EVA1C: variants seen among roughly 807,000 people sequenced by gnomAD.
EVA1C encodes the protein eva-1 homolog C, also known as protein eva-1 homolog C.
A neutral mutation model predicts 45.4 loss-of-function variants in EVA1C; 25 were observed. The observed-to-expected ratio is 0.55, with a 90% CI of 0.40 to 0.77. The LOEUF is 0.77. Among genes scored for constraint, EVA1C ranks in the 30% least tolerant of loss-of-function variants. EVA1C has a pLI of 0.00. For missense variants in EVA1C, 479 were observed against 554.8 expected, an observed-to-expected ratio of 0.86 and a Z score of 1.37; for synonymous variants, 190 against 221.2, an observed-to-expected ratio of 0.86 and a Z score of 1.25.
At chr21:32,493,770 TTTTA>T (rs3056333) in intron 4 of EVA1C, 22,972 of 145,006 alleles carry the variant, frequency 0.16, 2,015 homozygotes, top group Middle Eastern at 0.26. Context: ...AAGGTAGGCT[TTTTA>T]TTTATTTATT....
At chr21:32,455,953 C>G (rs888339670) in intron 2 of EVA1C, among the ~76,000 whole-genome samples, 1 of 152,106 alleles carries the variant, frequency 6.6e-6, no homozygotes, top group African/African-American at 2.4e-5. Context: ...AGTGCAATGG[C>G]GCAATCTCGG....
rs369454989 is a variant in EVA1C, at chr21:32,433,896, T to C, written c.161-19416T>C. ...GAAATTGGCCAGGTGCAGTGGCTCA[T>C]GCCTGCAATCCTAGCACTTTGGGAG... On this transcript the variant is annotated intron_variant, in intron 1 of 7. Transcript: ENST00000300255. 1.3e-3 allele frequency among the ~76,000 whole-genome samples: 49 copies of C among 37,190 alleles called. No individual in the cohort carries two copies. In the East Asian group the frequency reaches 0.016, roughly 12 times the overall value. 24.4% of individuals were successfully genotyped at this position (37,190 alleles called of 152,430 possible). A position where few individuals can be genotyped will look rare whatever the true frequency, so the allele number is the denominator to read the frequency against.
chr21:32,496,686 A>G, intron 5 of EVA1C: 2 of 569,560 alleles, frequency 3.5e-6, no homozygotes, highest in Non-Finnish European at 6.2e-6. Context: ...CAGTAACTTC[A>G]GGCCTCTTCA....
At chr21:32,461,873 C>G (rs1198544929) in intron 3 of EVA1C, among the ~76,000 whole-genome samples, 2 of 152,296 alleles carry the variant, frequency 1.3e-5, no homozygotes, top group East Asian at 3.9e-4. Context: ...GTTCTGGGTT[C>G]ATATTCCTTT....
intron 1 of EVA1C, among the ~76,000 whole-genome samples, chr21:32,426,133 G>C (rs2146133884): frequency 6.6e-6 from 1 of 152,158 alleles, no homozygotes; most frequent in East Asian, 1.9e-4. Context: ...TAGCCCAGTG[G>C]GGTTTTAGTC....
chr21:32,467,105 A>G (rs2036202711), intron 3 of EVA1C, among the ~76,000 whole-genome samples: 2 of 152,130 alleles, frequency 1.3e-5, no homozygotes, highest in South Asian at 2.1e-4. Flanking sequence ...GTGAGCTATG[A>G]TTGCACCACT....
chr21:32,467,841 C>G lies in EVA1C; in HGVS notation c.627C>G (p.Pro209=), dbSNP rs2036229609. Residue 209 remains proline, a synonymous_variant, in exon 4 of 8, where the codon CCC becomes CCG. Coordinates refer to ENST00000300255, the MANE Select transcript of EVA1C (RefSeq NM_058187.5). ...GCTCCTCCAAGGCAGAGCGGCTCCC[C>G]CCTTTCGGTATGTGCTTTTGTGTGT... ...DICSSKAERL[P]PFDCLSYSAL... 1.9e-6 allele frequency: 3 copies of G among 1,608,304 alleles called. No individual in the cohort carries two copies. The highest frequency in any genetic ancestry group is 2.5e-6 in the Non-Finnish European group (3 of 1,177,864).
At position 32,457,703 on chromosome 21, in the gene EVA1C, C is replaced by G. The variant is rs748249045; in HGVS notation, c.464C>G (p.Ser155Cys). Reference sequence around the variant, plus strand: ...GGAAGCAGTAAATACCTCCTGGTCTCCTTTAAATGCCAACCTAGTAAGTAA... The same window carrying G: ...GGAAGCAGTAAATACCTCCTGGTCTGCTTTAAATGCCAACCTAGTAAGTAA... ...CPGSSKYLLV[S>C]FKCQPNELKN... The change falls in exon 3 of 8, where the codon TCC (serine) becomes TGC (cysteine). Residue 155 changes from serine (S) to cysteine (C), a missense_variant. Transcript: ENST00000300255. 8 of 1,614,170 alleles carry G rather than the reference C, an allele frequency of 5.0e-6. No homozygotes were observed. Among genetic ancestry groups the G allele is most frequent in the Non-Finnish European group, 5.9e-6 (7 of 1,180,034 alleles).
intron 1 of EVA1C, among the ~76,000 whole-genome samples, chr21:32,418,138 G>A (rs775973189): frequency 9.2e-5 from 14 of 152,118 alleles, no homozygotes; most frequent in Non-Finnish European, 1.5e-4. Context: ...GCAAACACAC[G>A]CATGCACACA....
chr21:32,464,597 G>A (rs896685575), intron 3 of EVA1C, among the ~76,000 whole-genome samples: 3 of 152,144 alleles, frequency 2.0e-5, no homozygotes, highest in African/African-American at 7.2e-5. Context: ...CTAGGTGGGT[G>A]CATCACTTGA....
chr21:32,448,936 G>A lies in EVA1C; in HGVS notation c.161-4376G>A, dbSNP rs530277573. ...GAAAAGAGAGAAAGAAAGAAAGAGA[G>A]AGAAAGAGAGAAAGAAAGAAAAGAG... On this transcript the variant is annotated intron_variant, in intron 1 of 7. Coordinates refer to ENST00000300255, the MANE Select transcript of EVA1C (RefSeq NM_058187.5). 2.1e-3 allele frequency among the ~76,000 whole-genome samples: 220 copies of A among 103,026 alleles called. 1 individual carries two copies. The highest frequency in any genetic ancestry group is 3.5e-3 in the Non-Finnish European group (187 of 52,762). 67.6% of individuals were successfully genotyped at this position (103,026 alleles called of 152,430 possible).
At chr21:32,450,513 C>CG (rs563192690) in intron 1 of EVA1C, among the ~76,000 whole-genome samples, 1 of 74 alleles carries the variant, frequency 0.014, no homozygotes, top group African/African-American at 0.042. Flanking sequence ...GGACCACAGT[C>CG]CGGGAATGCT....
At chr21:32,471,871 A>G (rs2146316857) in intron 4 of EVA1C, among the ~76,000 whole-genome samples, 1 of 151,910 alleles carries the variant, frequency 6.6e-6, no homozygotes, top group Middle Eastern at 3.4e-3. Flanking sequence ...CTCGTGATCC[A>G]CCCACCTCAG....
intron 2 of EVA1C, among the ~76,000 whole-genome samples, chr21:32,456,909 G>GGA (rs61230955): frequency 0.18 from 27,350 of 151,722 alleles, 3,247 homozygotes; most frequent in African/African-American, 0.32. Flanking sequence ...GAAAAAATCA[G>GGA]GAGAGAGAGA....
At chr21:32,513,552 T>TTTTC (rs2038034744) in intron 7 of EVA1C, among the ~76,000 whole-genome samples, 2 of 33,204 alleles carry the variant, frequency 6.0e-5, no homozygotes, top group African/African-American at 8.3e-4. Flanking sequence ...TTTTCTTTTC[T>TTTTC]TTTTTTTTTT....
intron 4 of EVA1C, among the ~76,000 whole-genome samples, chr21:32,475,524 C>T (rs185700270): frequency 4.2e-5 from 6 of 142,632 alleles, no homozygotes; most frequent in East Asian, 2.1e-4. Context: ...GACTGTTTTA[C>T]GTAATGGCAG....
At chr21:32,479,606 G>C (rs1044943931) in intron 4 of EVA1C, among the ~76,000 whole-genome samples, 2 of 152,106 alleles carry the variant, frequency 1.3e-5, no homozygotes, top group African/African-American at 4.8e-5. Context: ...TCTTCCTGTG[G>C]GTTCTTTCAC....
chr21:32,440,303 C>T (rs748048858), intron 1 of EVA1C, among the ~76,000 whole-genome samples: 7 of 152,134 alleles, frequency 4.6e-5, no homozygotes, highest in Non-Finnish European at 8.8e-5. Context: ...TTGAGGATTA[C>T]GCTGTGTCCC....
chr21:32,417,087 C>T (rs2034077783), intron 1 of EVA1C, among the ~76,000 whole-genome samples: 1 of 152,240 alleles, frequency 6.6e-6, no homozygotes, highest in African/African-American at 2.4e-5. Context: ...CTCCCTTAGC[C>T]TCCTGAGTAG....
Sources: gnomAD v4.1 joint callset for allele counts (sites outside exome capture counted in the v4.1 genomes callset) on GRCh38, gnomAD v4.1.1 for gene constraint, MANE v1.5 for transcripts, NCBI Gene and HGNC (gene_info 2026-07-23, HGNC 2026-07-21) for gene names.